The following CSMD2 variants were observed in gnomAD, a reference collection of about 807,000 sequenced individuals.
CSMD2 encodes CUB and Sushi multiple domains 2, also known as CUB and sushi domain-containing protein 2.
Under a neutral mutation model 398.5 loss-of-function variants are expected in CSMD2, and 130 were observed. The ratio of observed to expected loss-of-function variants is 0.33; its 90% CI spans 0.28 to 0.38. The LOEUF (loss-of-function observed/expected upper bound fraction) is 0.38. CSMD2 is among the 10% of genes least tolerant of loss of function. The pLI, the probability that CSMD2 is intolerant of heterozygous loss-of-function variation, is 1.00. For missense variants in CSMD2, 3,829 were observed against 4,764.9 expected, an observed-to-expected ratio of 0.80 and a Z score of 5.78; for synonymous variants, 1,828 against 1,908.5, an observed-to-expected ratio of 0.96 and a Z score of 1.10.
At chr1:33,584,051 G>T (rs190055879) in intron 46 of CSMD2, among the ~76,000 whole-genome samples, 1 of 152,236 alleles carries the variant, frequency 6.6e-6, no homozygotes, top group Admixed American at 6.5e-5. Flanking sequence ...TTTGCCAGTT[G>T]GTTGGAATCA....
intron 3 of CSMD2, among the ~76,000 whole-genome samples, chr1:34,007,126 A>T (rs1034034256): frequency 1.7e-4 from 26 of 152,220 alleles, no homozygotes; most frequent in African/African-American, 5.8e-4. Flanking sequence ...TGCATCCAAG[A>T]TGATAAGCAG....
At chr1:34,086,795 C>T (rs1271886742) in intron 2 of CSMD2, among the ~76,000 whole-genome samples, 1 of 152,150 alleles carries the variant, frequency 6.6e-6, no homozygotes, top group Non-Finnish European at 1.5e-5. Flanking sequence ...TGCTCAGAAC[C>T]CTCCAAGGGT....
chr1:34,078,505 C>T (rs137987614), intron 2 of CSMD2, among the ~76,000 whole-genome samples: 4 of 152,134 alleles, frequency 2.6e-5, no homozygotes, highest in African/African-American at 9.7e-5. Flanking sequence ...AGGACGTAAA[C>T]AATGTTTCCG....
intron 1 of CSMD2, among the ~76,000 whole-genome samples, chr1:34,103,680 ATGAG>A (rs1558393007): frequency 1.3e-5 from 2 of 152,154 alleles, no homozygotes; most frequent in African/African-American, 4.8e-5. Flanking sequence ...TTTTAAATGA[ATGAG>A]TGAGTGAAAT....
At chr1:34,150,075 C>CTTTTTTTTTTTTTTTTTTTTTTTTTT (rs201785327) in intron 1 of CSMD2, among the ~76,000 whole-genome samples, 1 of 119,624 alleles carries the variant, frequency 8.4e-6, no homozygotes, top group African/African-American at 2.9e-5. Context: ...CATTTTTCTT[C>CTTTTTTTTTTTTTTTTTTTTTTTTTT]TTTCTTTTTT....
At chr1:34,023,796 A>G (rs1320388909) in intron 3 of CSMD2, among the ~76,000 whole-genome samples, 2 of 152,014 alleles carry the variant, frequency 1.3e-5, no homozygotes, top group African/African-American at 4.8e-5. Context: ...TCATAGGAGG[A>G]GTCTGAGAGG....
At position 33,625,100 on chromosome 1, in the gene CSMD2, A is replaced by G. The variant is rs1557640789; in HGVS notation, c.5451T>C (p.Pro1817=). The change falls in exon 34 of 71, where the codon CCT becomes CCC. Residue 1817 remains proline, a synonymous_variant. Transcript: ENST00000373381. The part of the protein sequence containing the change: ...LQGSPEIECL[P]VPGALAQWNV... ...TCCATTGGGCCAAGGCCCCAGGCAC[A>G]GGGAGGCACTCGATCTCTGGCGACC... is the stretch of plus-strand genomic sequence containing the variant. 6.2e-7 allele frequency: 1 copy of G among 1,614,072 alleles called. No homozygotes were observed. The highest frequency in any genetic ancestry group is 1.3e-5 in the African/African-American group (1 of 75,052).
chr1:34,010,450 G>A (rs1647213238), intron 3 of CSMD2, among the ~76,000 whole-genome samples: 1 of 152,098 alleles, frequency 6.6e-6, no homozygotes, highest in African/African-American at 2.4e-5. Context: ...CAGTAACTCT[G>A]TAAGGTAAGT....
In CSMD2 at chr1:33,624,680, C is replaced by T; in HGVS notation, c.5501-37G>A. 1 of 1,593,956 alleles carries T rather than the reference C, an allele frequency of 6.3e-7. No homozygotes were observed. The highest frequency in any genetic ancestry group is 1.1e-5 in the South Asian group (1 of 90,036). ...GGCCATCGGGTCAGAGGCTTTGTGG[C>T]CTCCCGTGGGAGCCTTCCCAAGCTG... On this transcript the variant is annotated intron_variant, in intron 34 of 70. Transcript: ENST00000373381. The surrounding 1 kb of genome is among the most constrained non-coding windows in gnomAD (Gnocchi z 4.7).
At chr1:33,740,233 T>C (rs540391184) in intron 14 of CSMD2, among the ~76,000 whole-genome samples, 2 of 152,126 alleles carry the variant, frequency 1.3e-5, no homozygotes, top group South Asian at 4.1e-4. Context: ...ACCAAGCATG[T>C]TCCCTGCCTT....
chr1:33,837,463 G>GA (rs142145090), intron 6 of CSMD2, among the ~76,000 whole-genome samples: 119,228 of 151,812 alleles, frequency 0.79, 47,665 homozygotes, highest in East Asian at 0.94. Flanking sequence ...GTAAAAAGAA[G>GA]TTTTTTACTA....
At chr1:34,141,769 C>T (rs988082001) in intron 1 of CSMD2, among the ~76,000 whole-genome samples, 5 of 152,100 alleles carry the variant, frequency 3.3e-5, no homozygotes, top group East Asian at 1.9e-4. Context: ...TCTCCAGCTG[C>T]CAGGTTGGAG....
intron 3 of CSMD2, among the ~76,000 whole-genome samples, chr1:33,991,548 T>A (rs1646554438): frequency 6.6e-6 from 1 of 152,192 alleles, no homozygotes; most frequent in African/African-American, 2.4e-5. Context: ...TTTCCCTGCC[T>A]CAGCCAGCTT....
chr1:33,652,367 T>G lies in CSMD2; in HGVS notation c.4542A>C (p.Lys1514Asn). The part of the protein sequence containing the change: ...PYPPGKECDW[K>N]VTVSPDYVIA... ...TGACGTAGTCTGGTGAGACGGTCAC[T>G]TTCCAGTCACACTCCTTGCCTGGCG... The change falls in exon 28 of 71, where the codon AAA becomes AAC. Residue 1514 changes from lysine to asparagine, a missense_variant. Around this residue, in one of 5 missense-constraint regions of CSMD2, gnomAD observed 2,001 missense variants for 2,567.1 expected, o/e 0.78. Transcript: ENST00000373381. 1 of 1,614,136 alleles carries G rather than the reference T, an allele frequency of 6.2e-7. No individual in the cohort carries two copies. The highest frequency in any genetic ancestry group is 1.1e-5 in the South Asian group (1 of 91,084).
At chr1:34,148,813 G>A (rs1160708747) in intron 1 of CSMD2, among the ~76,000 whole-genome samples, 3 of 152,176 alleles carry the variant, frequency 2.0e-5, no homozygotes, top group Non-Finnish European at 2.9e-5. Flanking sequence ...AGAATGCACC[G>A]CCTAGTGCTT....
rs201482462 is a variant in CSMD2, at chr1:34,079,966, A to AT, written c.404+9010dup. 7.3e-3 allele frequency among the ~76,000 whole-genome samples: 1,116 copies of AT among 152,156 alleles called. 13 individuals carry two copies. The highest frequency in any genetic ancestry group is 0.026 in the African/African-American group (1,076 of 41,542). On this transcript the variant is annotated intron_variant, in intron 2 of 70. Transcript: ENST00000373381. ...TAAAGGATAGTGACTCTTAGCCAGG[A>AT]TTTTTTAAAAATTTAACTACTGTGT...
Position 33,635,283 on chromosome 1 carries a change from G to C in CSMD2, c.5017C>G (p.Pro1673Ala). 1 of 1,612,996 alleles carries C rather than the reference G, an allele frequency of 6.2e-7. No individual in the cohort carries two copies. ...YVGSDGVVLSPNYPQNYTSGQ... is the reference protein window; with the variant it reads ...YVGSDGVVLSANYPQNYTSGQ... ...CTGGTGTAGTTCTGGGGGTAGTTGGGGGACAAGACCACTCCGTCCGAACCC... is the reference window on the plus strand; with the variant it reads ...CTGGTGTAGTTCTGGGGGTAGTTGGCGGACAAGACCACTCCGTCCGAACCC... Residue 1673 changes from proline to alanine, a missense_variant, in exon 31 of 71, where the codon CCC (proline) becomes GCC (alanine). Coordinates refer to ENST00000373381, the MANE Select transcript of CSMD2 (RefSeq NM_001281956.2). This position sits in a 1 kb window ranked among gnomAD's most constrained non-coding sequence, Gnocchi z 5.0.
chr1:33,526,678 T>G (rs1004781011), intron 65 of CSMD2, among the ~76,000 whole-genome samples: 68 of 152,378 alleles, frequency 4.5e-4, no homozygotes, highest in African/African-American at 1.6e-3. Flanking sequence ...ATGCCAAATC[T>G]AGCCTCGTTT....
intron 3 of CSMD2, among the ~76,000 whole-genome samples, chr1:33,958,782 G>A (rs1645251373): frequency 1.3e-5 from 2 of 152,214 alleles, no homozygotes; most frequent in African/African-American, 4.8e-5. Flanking sequence ...ACCCTTAGTA[G>A]AGAACTTAGT....
Sources: allele counts gnomAD v4.1 joint callset (sites outside exome capture counted in the v4.1 genomes callset), GRCh38; gene constraint gnomAD v4.1.1; regional missense constraint gnomAD v4.1.1; non-coding constraint Gnocchi (gnomAD v3.1); transcripts MANE v1.5; gene names NCBI Gene and HGNC (gene_info 2026-07-23, HGNC 2026-07-21).